Variants in MKLN1 observed in about 807,000 individuals in gnomAD.
The protein encoded by MKLN1 is muskelin.
A neutral mutation model predicts 99.0 loss-of-function variants in MKLN1; 18 were observed. That is an observed-to-expected ratio of 0.18 (90% confidence interval 0.13 to 0.27). The LOEUF (loss-of-function observed/expected upper bound fraction) is 0.27. MKLN1 is among the 10% of genes least tolerant of loss of function. The probability of loss-of-function intolerance (pLI) is 1.00; values close to 1 mark genes in which losing one functional copy is unlikely to be tolerated. For synonymous variants in MKLN1, 288 were observed against 293.2 expected, an observed-to-expected ratio of 0.98 and a Z score of 0.18; for missense variants, 621 against 875.9, an observed-to-expected ratio of 0.71 and a Z score of 3.67.
In MKLN1 at chr7:131,422,353, G is replaced by A. The variant is rs541407338; in HGVS notation, c.848-6680G>A. ...ACTTGAGGCTGGGAGTTCGAGATCA[G>A]CCTGGGCAACACAGCAAGACCTCTG... On this transcript the variant is annotated intron_variant, in intron 8 of 17. Coordinates refer to ENST00000352689, the MANE Select transcript of MKLN1 (RefSeq NM_013255.5). Among the ~76,000 whole-genome samples the A allele has an allele frequency of 5.9e-5, 9 of 152,308 alleles. No homozygotes were observed. The South Asian group carries it at 1.9e-3, about 32-fold the overall frequency.
chr7:131,470,115 C>T (rs1157404880), intron 15 of MKLN1, among the ~76,000 whole-genome samples: 3 of 152,158 alleles, frequency 2.0e-5, no homozygotes, highest in Non-Finnish European at 2.9e-5. Flanking sequence ...AGTCCACCCA[C>T]CTTGACTTCC....
chr7:131,289,350 G>C (rs532497293), intron 3 of MKLN1, among the ~76,000 whole-genome samples: 4 of 152,352 alleles, frequency 2.6e-5, no homozygotes, highest in African/African-American at 9.6e-5. Flanking sequence ...AAGTAGCCAG[G>C]TGTGGTGGCT....
intron 3 of MKLN1, among the ~76,000 whole-genome samples, chr7:131,288,499 T>C (rs1381629990): frequency 1.3e-5 from 2 of 152,152 alleles, no homozygotes; most frequent in Non-Finnish European, 2.9e-5. Context: ...TGATCTTGAG[T>C]GATAGAGATT....
rs745612008 is a variant in MKLN1 at position 131,350,034 on chromosome 7, A to G, written c.98+22037A>G. Among the ~76,000 whole-genome samples the G allele has an allele frequency of 3.9e-5, 6 of 152,102 alleles. No homozygotes were observed. In the South Asian group the frequency reaches 1.2e-3, roughly 31 times the overall value. ...TTGCTTTGAGTGATGGTAACTAACG[A>G]TACTACAATGGTCTGCTATTTGCTA... is the stretch of plus-strand genomic sequence containing the variant. On this transcript the variant is annotated intron_variant, in intron 1 of 17. Transcript: ENST00000352689.
intron 2 of MKLN1, among the ~76,000 whole-genome samples, chr7:131,202,178 T>G (rs1796738409): frequency 9.3e-6 from 1 of 107,458 alleles, no homozygotes; most frequent in Non-Finnish European, 1.9e-5. Flanking sequence ...TTTTTTTTTT[T>G]GAGATGTTGT....
chr7:131,151,065 C>G (rs1487149072), intron 2 of MKLN1, among the ~76,000 whole-genome samples: 1 of 152,130 alleles, frequency 6.6e-6, no homozygotes, highest in African/African-American at 2.4e-5. Flanking sequence ...TAGTAATAAA[C>G]TACAAATATC....
intron 1 of MKLN1, among the ~76,000 whole-genome samples, chr7:131,340,938 G>A (rs1428221729): frequency 6.6e-6 from 1 of 152,062 alleles, no homozygotes; most frequent in Non-Finnish European, 1.5e-5. Flanking sequence ...TGTAACAGTA[G>A]AAAGCTTTTT....
intron 2 of MKLN1, among the ~76,000 whole-genome samples, chr7:131,161,950 C>CGT (rs71527988): frequency 1.6e-3 from 89 of 55,294 alleles, no homozygotes; most frequent in Middle Eastern, 8.9e-3. Flanking sequence ...CATATATATA[C>CGT]GTGTGTGTGT....
At chr7:131,119,447 A>G (rs375969194) in intron 1 of MKLN1, among the ~76,000 whole-genome samples, 11 of 152,194 alleles carry the variant, frequency 7.2e-5, no homozygotes, top group Non-Finnish European at 1.5e-5. Context: ...CAGTGGATCT[A>G]TCATTCTGGG....
chr7:131,121,366 G>C (rs116728066), intron 1 of MKLN1, among the ~76,000 whole-genome samples: 1,637 of 152,220 alleles, frequency 0.011, 40 homozygotes, highest in African/African-American at 0.038. Context: ...AGAAACAGAT[G>C]CAGCACCACG....
chr7:131,372,177 A>T (rs1664545204), intron 1 of MKLN1, among the ~76,000 whole-genome samples: 1 of 152,030 alleles, frequency 6.6e-6, no homozygotes, highest in African/African-American at 2.4e-5. Context: ...AATGTATCAT[A>T]GTTATAATGT....
chr7:131,414,602 T>C, intron 7 of MKLN1, 43 bp from the exon 8 acceptor site: 1 of 1,374,610 alleles, frequency 7.3e-7, no homozygotes, highest in East Asian at 2.5e-5. Flanking sequence ...GGATATGCTG[T>C]TCTTTGTTAT....
At chr7:131,443,897 A>G (rs576682029) in intron 11 of MKLN1, among the ~76,000 whole-genome samples, 195 bp downstream of exon 11, 1 of 152,278 alleles carries the variant, frequency 6.6e-6, no homozygotes, top group Admixed American at 6.5e-5. Context: ...AATAGTTACT[A>G]CCTGGCTACC....
intron 17 of MKLN1, among the ~76,000 whole-genome samples, chr7:131,485,983 ATGTTCT>A (rs1797261568): frequency 6.6e-6 from 1 of 152,042 alleles, no homozygotes; most frequent in African/African-American, 2.4e-5. Context: ...ATGTAAGTTA[ATGTTCT>A]TGTTCTGAGC....
chr7:131,425,726 A>G (rs1001951179), intron 8 of MKLN1, among the ~76,000 whole-genome samples: 4 of 152,228 alleles, frequency 2.6e-5, no homozygotes, highest in Non-Finnish European at 4.4e-5. Context: ...CCAGATGTAC[A>G]TGAATTATTA....
chr7:131,460,882 C>T (rs548909187), intron 12 of MKLN1, among the ~76,000 whole-genome samples: 1 of 152,362 alleles, frequency 6.6e-6, no homozygotes, highest in South Asian at 2.1e-4. Context: ...ATACCCTTCA[C>T]TTCTACCACT....
chr7:131,133,820 G>GTTTTTTTTTTTTTTTTTTTTTTTTTTTT (rs1563226583), intron 1 of MKLN1, among the ~76,000 whole-genome samples: 1 of 24,060 alleles, frequency 4.2e-5, no homozygotes. Flanking sequence ...TTTTAATTTG[G>GTTTTTTTTTTTTTTTTTTTTTTTTTTTT]TTTTTTTTTT....
intron 1 of MKLN1, among the ~76,000 whole-genome samples, chr7:131,356,071 T>A (rs1236006316): frequency 1.3e-5 from 2 of 151,102 alleles, no homozygotes; most frequent in African/African-American, 4.9e-5. Flanking sequence ...TATTTTTTTT[T>A]TTTTTTTTTT....
intron 1 of MKLN1, among the ~76,000 whole-genome samples, chr7:131,121,680 C>A (rs1795375095): frequency 6.9e-6 from 1 of 145,800 alleles, no homozygotes; most frequent in African/African-American, 2.5e-5. Flanking sequence ...TACCCAGCCT[C>A]AGATATGTCT....
Sources: gnomAD v4.1 joint callset for allele counts (sites outside exome capture counted in the v4.1 genomes callset) on GRCh38, gnomAD v4.1.1 for gene constraint, MANE v1.5 for transcripts, NCBI Gene and HGNC (gene_info 2026-07-23, HGNC 2026-07-21) for gene names.